Variants in DAG1 observed in about 807,000 individuals in gnomAD.
DAG1 encodes dystroglycan 1 (dystrophin-associated glycoprotein 1).
DAG1 carries 8 observed loss-of-function variants against 46.1 expected under a neutral mutation model. The ratio of observed to expected loss-of-function variants is 0.17; its 90% CI spans 0.10 to 0.31. The LOEUF is 0.31. Ranked by LOEUF, DAG1 falls within the 10% of genes least tolerant of loss-of-function variation. The pLI is 1.00. For missense variants in DAG1, 1,003 were observed against 1,189.9 expected (o/e 0.84, Z 2.31); for synonymous variants, 495 against 481.8 (o/e 1.03, Z -0.36).
intron 1 of DAG1, among the ~76,000 whole-genome samples, chr3:49,506,321 A>T (rs1412894319): frequency 6.6e-6 from 1 of 152,182 alleles, no homozygotes; most frequent in Non-Finnish European, 1.5e-5. Flanking sequence ...TAGAACTTCT[A>T]GCATTATGTT....
chr3:49,521,329 T>A (rs2904198), intron 2 of DAG1, among the ~76,000 whole-genome samples: 149,252 of 152,166 alleles, frequency 0.98, 73,273 homozygotes, highest in Middle Eastern at 1. Flanking sequence ...ACACCTGGCT[T>A]ATTTTTTTTG....
intron 1 of DAG1, among the ~76,000 whole-genome samples, chr3:49,483,496 G>T (rs893833622): frequency 6.7e-6 from 1 of 150,360 alleles, no homozygotes; most frequent in East Asian, 2.0e-4. Context: ...GAGCCACCAT[G>T]CCTGGACTGT....
rs940802757 is a variant in DAG1, at chr3:49,532,712, C to T, written c.2201C>T (p.Thr734Ile). ...AGAGTGCCCTCAGAGGCGCCGCCCA[C>T]AGAAGTGCCTGACAGGGACCCTGAG... ...PRRVPSEAPP[T>I]EVPDRDPEKS... The change falls in exon 3 of 3, where the codon ACA (threonine) becomes ATA (isoleucine). Residue 734 changes from threonine to isoleucine, a missense_variant. Physicochemically the swap from Thr to Ile is moderately conservative, Grantham distance 89. Coordinates refer to ENST00000308775, the MANE Select transcript of DAG1 (RefSeq NM_004393.6). This position sits in a 1 kb window ranked among gnomAD's most constrained non-coding sequence, Gnocchi z 5.4. 1 of 1,614,198 alleles carries T rather than the reference C, an allele frequency of 6.2e-7. No homozygotes were observed. Among genetic ancestry groups the T allele is most frequent in the Non-Finnish European group, 8.5e-7 (1 of 1,180,050 alleles).
At chr3:49,519,881 A>G (rs558716907) in intron 2 of DAG1, among the ~76,000 whole-genome samples, 10 of 152,300 alleles carry the variant, frequency 6.6e-5, no homozygotes, top group Non-Finnish European at 1.5e-4. Context: ...GGGGAAAAAG[A>G]CTAATTTTTG....
In DAG1 at chr3:49,531,005, A is replaced by G; in HGVS notation, c.494A>G (p.Gln165Arg). The change falls in exon 3 of 3, where the codon CAG becomes CGG. Residue 165 changes from glutamine to arginine, a missense_variant. By Grantham distance (43) the Gln-to-Arg change is conservative. Coordinates refer to ENST00000308775, the MANE Select transcript of DAG1 (RefSeq NM_004393.6). The surrounding 1 kb of genome is among the most constrained non-coding windows in gnomAD (Gnocchi z 7.0). ...TACCCTGAAGACCACAGTGAGCTGCAGTCGGTGAGGACAGCCTCCCCAGAC... is the reference window on the plus strand; with the variant it reads ...TACCCTGAAGACCACAGTGAGCTGCGGTCGGTGAGGACAGCCTCCCCAGAC... ...EVYPEDHSEL[Q>R]SVRTASPDPG... is the part of the protein sequence containing the mutation. 1.9e-6 allele frequency: 3 copies of G among 1,614,196 alleles called. No individual in the cohort carries two copies. Among genetic ancestry groups the G allele is most frequent in the Non-Finnish European group, 2.5e-6 (3 of 1,180,034 alleles).
chr3:49,510,787 G>A lies in DAG1; in HGVS notation c.253G>A (p.Asp85Asn), dbSNP rs1216291331. 2 of 1,614,080 alleles carry A rather than the reference G, an allele frequency of 1.2e-6. No homozygotes were observed. The highest frequency in any genetic ancestry group is 1.7e-6 in the Non-Finnish European group (2 of 1,180,048). The change falls in exon 2 of 3, where the codon GAT becomes AAT. Residue 85 changes from aspartate to asparagine, a missense_variant. Transcript: ENST00000308775. The part of the protein sequence containing the change: ...GRSFRVTIPT[D>N]LIASSGDIIK... The stretch of plus-strand genomic sequence containing the variant: ...CTCATTTCGAGTGACCATTCCAACA[G>A]ATTTGATTGCCTCCAGTGGAGATAT...
At chr3:49,503,220 C>T (rs1282767246) in intron 1 of DAG1, among the ~76,000 whole-genome samples, 1 of 152,164 alleles carries the variant, frequency 6.6e-6, no homozygotes, top group East Asian at 1.9e-4. Flanking sequence ...GCCATGTGGT[C>T]CTGTTCCCTC....
intron 1 of DAG1, among the ~76,000 whole-genome samples, chr3:49,497,570 C>G (rs1013065318): frequency 1.3e-5 from 2 of 151,756 alleles, no homozygotes; most frequent in African/African-American, 4.8e-5. Context: ...TATTACTGTA[C>G]CACTGTACTC....
chr3:49,478,798 C>T (rs1286974969), intron 1 of DAG1, among the ~76,000 whole-genome samples: 2 of 99,848 alleles, frequency 2.0e-5, no homozygotes, highest in African/African-American at 3.8e-5. Flanking sequence ...TTGTCGTCCC[C>T]TCCCTTTTTT....
chr3:49,493,058 T>TC (rs1553645218), intron 1 of DAG1: 1 of 147,560 alleles, frequency 6.8e-6, no homozygotes, highest in Admixed American at 6.8e-5. Flanking sequence ...TTTTTTTTTT[T>TC]TGAGACGACA....
intron 2 of DAG1, among the ~76,000 whole-genome samples, chr3:49,525,817 C>T (rs986106908): frequency 3.3e-5 from 5 of 151,660 alleles, no homozygotes; most frequent in African/African-American, 1.2e-4. Flanking sequence ...CTCAGCCTCC[C>T]AAAGTGCTGG....
intron 1 of DAG1, among the ~76,000 whole-genome samples, chr3:49,509,937 C>T (rs576117979): frequency 6.6e-6 from 1 of 152,264 alleles, no homozygotes. Flanking sequence ...CCATGTTGGC[C>T]AGGCTGGTTT....
At chr3:49,475,229 C>G (rs113893318) in intron 1 of DAG1, among the ~76,000 whole-genome samples, 2 of 151,844 alleles carry the variant, frequency 1.3e-5, no homozygotes, top group African/African-American at 2.4e-5. Flanking sequence ...CTCAGCCTCC[C>G]GAGTAGCTGG....
At chr3:49,511,767 G>A (rs1267997834) in intron 2 of DAG1, among the ~76,000 whole-genome samples, 1 of 152,172 alleles carries the variant, frequency 6.6e-6, no homozygotes, top group Non-Finnish European at 1.5e-5. Context: ...TCCTGCCTTG[G>A]CCTCCCAAAG....
At position 49,532,847 on chromosome 3, in the gene DAG1, G is replaced by A. The variant is rs1283360967; in HGVS notation, c.2336G>A (p.Arg779Gln). 5 of 1,613,952 alleles carry A rather than the reference G, an allele frequency of 3.1e-6. No individual in the cohort carries two copies. Among genetic ancestry groups the A allele is most frequent in the African/African-American group, 1.3e-5 (1 of 74,928 alleles). The change falls in exon 3 of 3, where the codon CGG becomes CAG. Residue 779 changes from arginine to glutamine, a missense_variant. Arg to Gln is a conservative substitution (Grantham distance 43, BLOSUM62 1). This residue lies in a region of DAG1 where 755 missense variants were observed against 854.1 expected (regional missense o/e 0.88). Transcript: ENST00000308775. The surrounding 1 kb of genome is among the most constrained non-coding windows in gnomAD (Gnocchi z 5.4). ...IIAMICYRKK[R>Q]KGKLTLEDQA... is the part of the protein sequence containing the mutation. ...GCCATGATCTGCTACCGCAAGAAGC[G>A]GAAGGGCAAGCTTACCCTTGAGGAC...
At chr3:49,486,488 G>C (rs184475960) in intron 1 of DAG1, among the ~76,000 whole-genome samples, 9 of 151,396 alleles carry the variant, frequency 5.9e-5, no homozygotes, top group African/African-American at 1.7e-4. Context: ...GAAGTGCTGG[G>C]ATTACAGGCG....
chr3:49,518,973 G>C (rs1376164832), intron 2 of DAG1, among the ~76,000 whole-genome samples: 1 of 152,142 alleles, frequency 6.6e-6, no homozygotes, highest in African/African-American at 2.4e-5. Context: ...ACTGTCCTTG[G>C]CTCTCACAGC....
At position 49,531,990 on chromosome 3, in the gene DAG1, C is replaced by T; in HGVS notation, c.1479C>T (p.Pro493=). ...TTSGVPRGGE[P]NQRPELKNHI... ...GTGGAGTGCCCCGTGGCGGAGAACC[C>T]AACCAGCGCCCAGAGCTCAAGAACC... The change falls in exon 3 of 3, where the codon CCC becomes CCT. Residue 493 remains proline (P), a synonymous_variant. Coordinates refer to ENST00000308775, the MANE Select transcript of DAG1 (RefSeq NM_004393.6). The surrounding 1 kb of genome is among the most constrained non-coding windows in gnomAD (Gnocchi z 7.0). The T allele has an allele frequency of 1.2e-6, 2 of 1,614,184 alleles. No individual in the cohort carries two copies. The highest frequency in any genetic ancestry group is 1.1e-5 in the South Asian group (1 of 91,078).
intron 1 of DAG1, among the ~76,000 whole-genome samples, chr3:49,474,299 C>A (rs1373812673): frequency 6.6e-6 from 1 of 152,054 alleles, no homozygotes. Context: ...TGTGGTCTGC[C>A]CGCCTCGGCC....
Sources: gnomAD v4.1 joint callset for allele counts (sites outside exome capture counted in the v4.1 genomes callset) on GRCh38, gnomAD v4.1.1 for gene constraint, gnomAD v4.1.1 regional missense constraint, Gnocchi (gnomAD v3.1) non-coding constraint, MANE v1.5 for transcripts, NCBI Gene and HGNC (gene_info 2026-07-23, HGNC 2026-07-21) for gene names.